Variants in ALG9 observed in about 807,000 individuals in gnomAD.
ALG9 encodes the protein alpha-1,2-mannosyltransferase ALG9.
Under a neutral mutation model 81.8 loss-of-function variants are expected in ALG9, and 55 were observed. The observed-to-expected ratio is 0.67, with a 90% CI of 0.54 to 0.84. The LOEUF (loss-of-function observed/expected upper bound fraction) is 0.84. ALG9 is among the 40% of genes least tolerant of loss of function. The probability of loss-of-function intolerance (pLI) is 0.00; values close to 1 mark genes in which losing one functional copy is unlikely to be tolerated. For missense variants in ALG9, 629 were observed against 745.0 expected (o/e 0.84, Z 1.81); for synonymous variants, 278 against 274.3 (o/e 1.01, Z -0.13).
chr11:111,840,439 C>A (rs1268527996), intron 10 of ALG9, among the ~76,000 whole-genome samples: 2 of 152,124 alleles, frequency 1.3e-5, no homozygotes, highest in Non-Finnish European at 2.9e-5. Context: ...AAGTAACACA[C>A]AAATTAACAC....
intron 3 of ALG9, among the ~76,000 whole-genome samples, chr11:111,866,437 C>G (rs1173606508): frequency 6.6e-6 from 1 of 152,072 alleles, no homozygotes; most frequent in African/African-American, 2.4e-5. Flanking sequence ...AGGTAGCTAT[C>G]ACTAGATGTG....
intron 14 of ALG9, among the ~76,000 whole-genome samples, chr11:111,793,622 A>G (rs942202215): frequency 1.3e-5 from 2 of 152,150 alleles, no homozygotes; most frequent in South Asian, 2.1e-4. Context: ...TTAGCCAGGC[A>G]TGGTGGCGGG....
intron 13 of ALG9, among the ~76,000 whole-genome samples, chr11:111,830,718 CAGG>C (rs1460646989): frequency 1.3e-5 from 2 of 151,430 alleles, no homozygotes; most frequent in Non-Finnish European, 1.5e-5. Context: ...CCAAAAAGGG[CAGG>C]AGAAGGGATA....
intron 14 of ALG9, among the ~76,000 whole-genome samples, chr11:111,797,555 C>T (rs1486502347): frequency 6.6e-6 from 1 of 152,220 alleles, no homozygotes; most frequent in African/African-American, 2.4e-5. Flanking sequence ...TGTTTTACGC[C>T]ACTAAGTATG....
intron 13 of ALG9, among the ~76,000 whole-genome samples, chr11:111,830,902 G>A (rs1408649379): frequency 6.6e-6 from 1 of 152,110 alleles, no homozygotes; most frequent in Non-Finnish European, 1.5e-5. Context: ...TGGGCACAGT[G>A]GCTCACACCT....
intron 3 of ALG9, among the ~76,000 whole-genome samples, chr11:111,866,384 A>G (rs913016060): frequency 3.9e-5 from 6 of 152,164 alleles, no homozygotes; most frequent in Non-Finnish European, 8.8e-5. Context: ...CCATGAAGAG[A>G]TAATACAAAG....
At chr11:111,843,031 C>T (rs1956457820) in intron 9 of ALG9, among the ~76,000 whole-genome samples, 5 of 152,152 alleles carry the variant, frequency 3.3e-5, no homozygotes, top group Admixed American at 2.6e-4. Context: ...GCAATCCTCC[C>T]ACCGTAGCCT....
At chr11:111,823,063 TC>T (rs1290442733) in intron 13 of ALG9, among the ~76,000 whole-genome samples, 2 of 152,154 alleles carry the variant, frequency 1.3e-5, no homozygotes, top group African/African-American at 4.8e-5. Context: ...ATTTTCTGCC[TC>T]CGACTAAGTG....
intron 13 of ALG9, among the ~76,000 whole-genome samples, chr11:111,819,836 G>A (rs1257209143): frequency 1.3e-5 from 2 of 152,190 alleles, no homozygotes; most frequent in Non-Finnish European, 2.9e-5. Flanking sequence ...TACACCTGGT[G>A]CCTGGTACAG....
intron 14 of ALG9, 99 bp downstream of exon 14, chr11:111,809,544 G>C: frequency 1.5e-6 from 2 of 1,361,918 alleles, no homozygotes; most frequent in Non-Finnish European, 2.1e-6. Flanking sequence ...ACACACGATG[G>C]CTACTAGAGT....
chr11:111,837,627 A>G lies in ALG9; in HGVS notation c.1325-12T>C, dbSNP rs782638223. ...GGGCCCGTGATATCCTGGAAGGGAG[A>G]ACAGTTAGTGAGAGCCAGAGATGAG... On this transcript the variant is annotated splice_polypyrimidine_tract_variant and intron_variant, in intron 11 of 14. Coordinates refer to ENST00000616540, the MANE Select transcript of ALG9 (RefSeq NM_024740.2). 1 of 1,613,744 alleles carries G rather than the reference A, an allele frequency of 6.2e-7. No individual in the cohort carries two copies. Among genetic ancestry groups the G allele is most frequent in the East Asian group, 2.2e-5 (1 of 44,866 alleles).
At position 111,797,888 on chromosome 11, in the gene ALG9, G is replaced by C. The variant is rs139199949; in HGVS notation, c.1734-11368C>G. Among the ~76,000 whole-genome samples the C allele has an allele frequency of 6.6e-3, 1,001 of 152,224 alleles. 9 individuals are homozygous for C. Among genetic ancestry groups the C allele is most frequent in the African/African-American group, 0.022 (926 of 41,532 alleles). Reference sequence around the variant, plus strand: ...TAGGCACTGAAAGAACATAATAAGCGTATATGATATCAGCACAGTCCCCAA... The same window carrying C: ...TAGGCACTGAAAGAACATAATAAGCCTATATGATATCAGCACAGTCCCCAA... On this transcript the variant is annotated intron_variant, in intron 14 of 14. Coordinates refer to ENST00000616540, the MANE Select transcript of ALG9 (RefSeq NM_024740.2).
intron 14 of ALG9, among the ~76,000 whole-genome samples, chr11:111,789,721 G>A (rs1483655979): frequency 1.3e-5 from 2 of 151,622 alleles, no homozygotes; most frequent in African/African-American, 4.8e-5. Context: ...TCGGGACGCT[G>A]AGGTAGGAGA....
At chr11:111,845,555 T>C (rs1956831669) in intron 8 of ALG9, among the ~76,000 whole-genome samples, 1 of 152,116 alleles carries the variant, frequency 6.6e-6, no homozygotes, top group South Asian at 2.1e-4. Flanking sequence ...AAAACACAAG[T>C]CTTACTCACA....
At chr11:111,791,321 A>C (rs183853206) in intron 14 of ALG9, among the ~76,000 whole-genome samples, 6 of 152,354 alleles carry the variant, frequency 3.9e-5, no homozygotes, top group Admixed American at 3.3e-4. Flanking sequence ...AGAAGTTCAA[A>C]GTGATAATGC....
chr11:111,857,705 T>G lies in ALG9; in HGVS notation c.598A>C (p.Thr200Pro). 1 of 1,614,094 alleles carries G rather than the reference T, an allele frequency of 6.2e-7. No individual in the cohort carries two copies. The highest frequency in any genetic ancestry group is 8.5e-7 in the Non-Finnish European group (1 of 1,180,010). ...FLPSSFCMYT[T>P]LIAMTGWYMD... is the part of the protein sequence containing the mutation. ...TACCATCCAGTCATGGCTATCAACG[T>G]AGTGTACATACAGAAGCTACTAGGA... is the stretch of plus-strand genomic sequence containing the variant. Residue 200 changes from threonine (T) to proline (P), a missense_variant, in exon 6 of 15, where the codon ACG (threonine) becomes CCG (proline). Physicochemically the swap from Thr to Pro is conservative, Grantham distance 38 (BLOSUM62 -1). Coordinates refer to ENST00000616540, the MANE Select transcript of ALG9 (RefSeq NM_024740.2).
chr11:111,858,891 TC>T (rs1243442060), intron 5 of ALG9, among the ~76,000 whole-genome samples: 2 of 152,214 alleles, frequency 1.3e-5, no homozygotes, highest in Non-Finnish European at 2.9e-5. Context: ...TAAGGAATTT[TC>T]TACATATAAA....
In ALG9 at chr11:111,853,492, CAG is replaced by C; in HGVS notation, c.790-9_790-8del. 1 of 1,611,142 alleles carries C rather than the reference CAG, an allele frequency of 6.2e-7. No homozygotes were observed. The highest frequency in any genetic ancestry group is 8.5e-7 in the Non-Finnish European group (1 of 1,177,406). On this transcript the variant is annotated splice_region_variant and splice_polypyrimidine_tract_variant and intron_variant, in intron 7 of 14. Coordinates refer to ENST00000616540, the MANE Select transcript of ALG9 (RefSeq NM_024740.2). ...CAATGACCACCACAGGCACCTAAAA[CAG>C]AGCAGAAAATAGTTTTGATCTAGAA...
At chr11:111,821,413 T>C (rs1952350596) in intron 13 of ALG9, among the ~76,000 whole-genome samples, 2 of 152,166 alleles carry the variant, frequency 1.3e-5, no homozygotes, top group Admixed American at 1.3e-4. Flanking sequence ...CTGCTTATTC[T>C]ACATTTCTCA....
Sources: allele counts gnomAD v4.1 joint callset (sites outside exome capture counted in the v4.1 genomes callset), GRCh38; gene constraint gnomAD v4.1.1; transcripts MANE v1.5; gene names NCBI Gene and HGNC (gene_info 2026-07-23, HGNC 2026-07-21).